GRID2: variants seen among roughly 807,000 people sequenced by gnomAD.
GRID2 encodes glutamate receptor ionotropic, delta-2.
In GRID2, 33 loss-of-function variants were observed where a neutral mutation model predicts 114.8. The observed-to-expected ratio is 0.29, with a 90% CI of 0.22 to 0.38. The LOEUF is 0.38. Ranked by LOEUF, GRID2 falls within the 10% of genes least tolerant of loss-of-function variation. GRID2 has a pLI of 1.00. For missense variants in GRID2, 1,184 were observed against 1,257.7 expected, an observed-to-expected ratio of 0.94 and a Z score of 0.89; for synonymous variants, 505 against 449.9, an observed-to-expected ratio of 1.12 and a Z score of -1.55.
chr4:92,526,470 A>C (rs1725051088), intron 1 of GRID2, among the ~76,000 whole-genome samples: 1 of 152,094 alleles, frequency 6.6e-6, no homozygotes, highest in African/African-American at 2.4e-5. Flanking sequence ...CAGTCTCCCA[A>C]GTAGCTGGGA....
intron 4 of GRID2, among the ~76,000 whole-genome samples, chr4:93,168,289 AAGAAAGAAAG>A (rs1263293397): frequency 2.0e-5 from 3 of 152,038 alleles, no homozygotes; most frequent in African/African-American, 7.2e-5. Context: ...AGGAAAGGGG[AAGAAAGAAAG>A]AGAAAGAAAG....
At chr4:93,459,930 T>A (rs1723582774) in intron 11 of GRID2, among the ~76,000 whole-genome samples, 1 of 152,174 alleles carries the variant, frequency 6.6e-6, no homozygotes, top group East Asian at 1.9e-4. Context: ...CCAACCATAA[T>A]CAAGTCCTGT....
At chr4:92,694,684 A>C (rs1207213374) in intron 2 of GRID2, among the ~76,000 whole-genome samples, 1 of 152,208 alleles carries the variant, frequency 6.6e-6, no homozygotes. Flanking sequence ...ACAAGTTGAC[A>C]TCTTGCTTTG....
At position 93,347,058 on chromosome 4, in the gene GRID2, C is replaced by T. The variant is rs181784508; in HGVS notation, c.1246-48549C>T. On this transcript the variant is annotated intron_variant, in intron 8 of 15. Coordinates refer to ENST00000282020, the MANE Select transcript of GRID2 (RefSeq NM_001510.4). ...CTTTCCTTGCCTCACCACTGCGGCGCGGAGCTCCCTGGAGTGGAACTGGCT... is the reference window on the plus strand; with the variant it reads ...CTTTCCTTGCCTCACCACTGCGGCGTGGAGCTCCCTGGAGTGGAACTGGCT... Among the ~76,000 whole-genome samples the T allele has an allele frequency of 2.0e-5, 3 of 152,082 alleles. No individual in the cohort carries two copies. In the East Asian group the frequency reaches 5.8e-4, roughly 30 times the overall value.
chr4:92,735,682 C>A (rs1736556531), intron 2 of GRID2, among the ~76,000 whole-genome samples: 2 of 152,074 alleles, frequency 1.3e-5, no homozygotes, highest in South Asian at 4.1e-4. Flanking sequence ...TCTTGAACTT[C>A]TTTTTCAATT....
chr4:92,316,454 C>T (rs571706710), intron 1 of GRID2, among the ~76,000 whole-genome samples: 2 of 152,236 alleles, frequency 1.3e-5, no homozygotes, highest in Admixed American at 6.5e-5. Flanking sequence ...GAAATTATGA[C>T]TCAAATCTCA....
At chr4:93,732,057 G>T (rs1039702822) in intron 14 of GRID2, among the ~76,000 whole-genome samples, 2 of 152,106 alleles carry the variant, frequency 1.3e-5, no homozygotes, top group Non-Finnish European at 2.9e-5. Context: ...AAAGACTGAA[G>T]CATCAAGAAA....
chr4:93,795,462 A>G (rs944683389), intron 1 of GRID2, among the ~76,000 whole-genome samples: 1 of 152,228 alleles, frequency 6.6e-6, no homozygotes, highest in Non-Finnish European at 1.5e-5. Flanking sequence ...AATAAACAGA[A>G]AGGCAGTAGT....
intron 11 of GRID2, among the ~76,000 whole-genome samples, chr4:93,465,877 A>G (rs1222927366): frequency 6.6e-6 from 1 of 152,206 alleles, no homozygotes; most frequent in Admixed American, 6.5e-5. Context: ...AAAAACTACA[A>G]AAACATTTTT....
intron 11 of GRID2, among the ~76,000 whole-genome samples, chr4:93,468,109 T>A (rs560802522): frequency 6.6e-6 from 1 of 152,284 alleles, no homozygotes; most frequent in East Asian, 1.9e-4. Context: ...GTGATACATA[T>A]CCCTTCAGTC....
chr4:92,955,290 T>A (rs1488672300), intron 2 of GRID2, among the ~76,000 whole-genome samples: 6 of 151,368 alleles, frequency 4.0e-5, no homozygotes, highest in South Asian at 4.2e-4. Flanking sequence ...GTTTCCTGAC[T>A]TTTTAATGAT....
chr4:92,691,130 C>A (rs900560451), intron 2 of GRID2, among the ~76,000 whole-genome samples: 14 of 152,066 alleles, frequency 9.2e-5, no homozygotes, highest in African/African-American at 2.4e-5. Flanking sequence ...GAACTATCAA[C>A]CATATCCCCT....
intron 1 of GRID2, among the ~76,000 whole-genome samples, chr4:92,413,120 T>G (rs1579319231): frequency 6.6e-6 from 1 of 152,174 alleles, no homozygotes; most frequent in Non-Finnish European, 1.5e-5. Flanking sequence ...AGTAGTGAAG[T>G]CTGGGCTTTC....
intron 8 of GRID2, among the ~76,000 whole-genome samples, chr4:93,343,142 C>CTGTGTG (rs150132437): frequency 0.024 from 968 of 40,152 alleles, 9 homozygotes; most frequent in African/African-American, 0.056. Context: ...TGTGAGGTGA[C>CTGTGTG]TGTGTGTGTG....
intron 1 of GRID2, among the ~76,000 whole-genome samples, chr4:93,806,111 CAAAA>C (rs954251544): frequency 6.6e-6 from 1 of 151,512 alleles, no homozygotes; most frequent in Non-Finnish European, 1.5e-5. Flanking sequence ...AAAAAATAAA[CAAAA>C]AAAAGCGTAT....
chr4:92,928,290 T>C (rs1306654088), intron 2 of GRID2, among the ~76,000 whole-genome samples: 1 of 151,738 alleles, frequency 6.6e-6, no homozygotes, highest in Non-Finnish European at 1.5e-5. Flanking sequence ...AGGGCTGGAA[T>C]TGTGTGCATC....
At chr4:92,677,934 C>A (rs1225290941) in intron 2 of GRID2, among the ~76,000 whole-genome samples, 1 of 151,996 alleles carries the variant, frequency 6.6e-6, no homozygotes, top group South Asian at 2.1e-4. Context: ...TCATTTGATT[C>A]CCTTTCTACT....
intron 1 of GRID2, among the ~76,000 whole-genome samples, chr4:92,396,857 C>G (rs1166169143): frequency 6.6e-6 from 1 of 151,950 alleles, no homozygotes; most frequent in Non-Finnish European, 1.5e-5. Flanking sequence ...TAGTGTTGAC[C>G]TAGCAACAAT....
intron 14 of GRID2, among the ~76,000 whole-genome samples, chr4:93,753,678 C>T (rs1247853316): frequency 6.6e-6 from 1 of 152,122 alleles, no homozygotes; most frequent in African/African-American, 2.4e-5. Flanking sequence ...TGAACTTATC[C>T]TTTTTATGGC....
Sources: gnomAD v4.1 joint callset for allele counts (sites outside exome capture counted in the v4.1 genomes callset) on GRCh38, gnomAD v4.1.1 for gene constraint, MANE v1.5 for transcripts, NCBI Gene and HGNC (gene_info 2026-07-23, HGNC 2026-07-21) for gene names.